Variants in CYRIB observed in about 807,000 individuals in gnomAD.
CYRIB encodes the protein CYFIP related Rac1 interactor B.
Under a neutral mutation model 44.2 loss-of-function variants are expected in CYRIB, and 8 were observed. The ratio of observed to expected loss-of-function variants is 0.18; its 90% CI spans 0.11 to 0.33. The LOEUF (loss-of-function observed/expected upper bound fraction) is 0.33, where lower values mean the gene tolerates loss of function less well. Among genes scored for constraint, CYRIB ranks in the 10% least tolerant of loss-of-function variants. The pLI, the probability that CYRIB is intolerant of heterozygous loss-of-function variation, is 1.00. For synonymous variants in CYRIB, 131 were observed against 127.2 expected (o/e 1.03, Z -0.20); for missense variants, 185 against 382.8 (o/e 0.48, Z 4.31).
chr8:129,968,261 C>T (rs1196825106), intron 2 of CYRIB, among the ~76,000 whole-genome samples: 2 of 152,204 alleles, frequency 1.3e-5, no homozygotes, highest in East Asian at 3.8e-4. Flanking sequence ...CTCTCTTTAG[C>T]TATGTCTAAT....
intron 1 of CYRIB, among the ~76,000 whole-genome samples, chr8:129,977,433 C>T (rs1223357719): frequency 6.6e-6 from 1 of 152,168 alleles, no homozygotes; most frequent in East Asian, 1.9e-4. Flanking sequence ...TAATGATGTG[C>T]ACGTCTCTGT....
At chr8:129,930,068 G>A (rs941206068) in intron 1 of CYRIB, among the ~76,000 whole-genome samples, 8 of 151,652 alleles carry the variant, frequency 5.3e-5, no homozygotes, top group South Asian at 4.2e-4. Context: ...AAAATTCGCC[G>A]GGCGTGGTGG....
chr8:129,947,826 T>C (rs192455513), intron 2 of CYRIB: 1 of 152,324 alleles, frequency 6.6e-6, no homozygotes, highest in Admixed American at 6.5e-5. Flanking sequence ...CCTCACAGTT[T>C]ATCAACCTTT....
At chr8:129,955,230 G>A (rs1323809042) in intron 2 of CYRIB, among the ~76,000 whole-genome samples, 3 of 146,242 alleles carry the variant, frequency 2.1e-5, no homozygotes, top group South Asian at 2.2e-4. Flanking sequence ...TCCAGCCTGG[G>A]TGACAGAACA....
intron 4 of CYRIB, among the ~76,000 whole-genome samples, chr8:129,862,846 G>A (rs1319806647): frequency 6.6e-6 from 1 of 152,206 alleles, no homozygotes; most frequent in Non-Finnish European, 1.5e-5. Flanking sequence ...GGAGTGCTAA[G>A]AGTGGGTCTT....
intron 1 of CYRIB, among the ~76,000 whole-genome samples, chr8:129,998,297 G>A (rs1564731693): frequency 6.6e-6 from 1 of 152,070 alleles, no homozygotes; most frequent in African/African-American, 2.4e-5. Flanking sequence ...TCGGTACCTG[G>A]GTACAGAGGA....
chr8:129,979,388 A>C (rs1035693341), intron 1 of CYRIB, among the ~76,000 whole-genome samples: 4 of 152,144 alleles, frequency 2.6e-5, no homozygotes, highest in Non-Finnish European at 5.9e-5. Flanking sequence ...CTATGCTAAC[A>C]TATGAAGGAA....
At chr8:129,989,515 A>G (rs1564655008) in intron 1 of CYRIB, among the ~76,000 whole-genome samples, 1 of 152,228 alleles carries the variant, frequency 6.6e-6, no homozygotes, top group Non-Finnish European at 1.5e-5. Flanking sequence ...TGCAGGGACC[A>G]GGGTGTAGGT....
chr8:129,898,173 T>C (rs1217355953), intron 2 of CYRIB, among the ~76,000 whole-genome samples: 3 of 152,142 alleles, frequency 2.0e-5, no homozygotes, highest in African/African-American at 7.2e-5. Flanking sequence ...AGTGGAAACT[T>C]TTTTCCCTGT....
chr8:129,913,467 C>A (rs2079110781), intron 1 of CYRIB, among the ~76,000 whole-genome samples: 1 of 152,164 alleles, frequency 6.6e-6, no homozygotes, highest in Non-Finnish European at 1.5e-5. Context: ...TTTAAGAAAA[C>A]CAAAGCACAT....
chr8:130,008,130 A>G (rs1292593404), intron 1 of CYRIB, among the ~76,000 whole-genome samples: 1 of 151,744 alleles, frequency 6.6e-6, no homozygotes, highest in Non-Finnish European at 1.5e-5. Flanking sequence ...AATTGCTTGA[A>G]CCCGGGAGGT....
chr8:129,967,295 G>T (rs2095512607), intron 2 of CYRIB, among the ~76,000 whole-genome samples: 1 of 152,104 alleles, frequency 6.6e-6, no homozygotes, highest in Admixed American at 6.5e-5. Context: ...ATAGGAATCA[G>T]CAAATGCTAC....
At chr8:129,845,814 T>C (rs2039631971) in intron 11 of CYRIB, among the ~76,000 whole-genome samples, 1 of 152,196 alleles carries the variant, frequency 6.6e-6, no homozygotes, top group African/African-American at 2.4e-5. Flanking sequence ...TAAATCTCTG[T>C]AGTCAAATGT....
At chr8:129,900,539 G>A (rs1172833986) in intron 2 of CYRIB, among the ~76,000 whole-genome samples, 1 of 152,154 alleles carries the variant, frequency 6.6e-6, no homozygotes, top group African/African-American at 2.4e-5. Context: ...CTGCAAAACA[G>A]CTGGTGACTT....
chr8:129,933,062 C>A (rs1590273929), intron 1 of CYRIB, among the ~76,000 whole-genome samples: 1 of 152,178 alleles, frequency 6.6e-6, no homozygotes, highest in Non-Finnish European at 1.5e-5. Context: ...AAGGCTGTGG[C>A]TGTGACTGCT....
intron 1 of CYRIB, among the ~76,000 whole-genome samples, chr8:129,913,585 T>A (rs1487634932): frequency 6.6e-6 from 1 of 152,222 alleles, no homozygotes; most frequent in African/African-American, 2.4e-5. Flanking sequence ...ACTTACAAAG[T>A]GGAAATTCCA....
At chr8:129,924,911 G>A (rs530592712) in intron 1 of CYRIB, among the ~76,000 whole-genome samples, 1 of 152,310 alleles carries the variant, frequency 6.6e-6, no homozygotes, top group African/African-American at 2.4e-5. Flanking sequence ...CTTGGAAGTC[G>A]AGGCTGCAGT....
chr8:129,876,651 A>G (rs562935106), intron 3 of CYRIB, among the ~76,000 whole-genome samples: 3 of 152,364 alleles, frequency 2.0e-5, no homozygotes, highest in African/African-American at 7.2e-5. Context: ...GCACTAGAGT[A>G]TGTCATTTGT....
chr8:129,839,794 T>C (rs2035425502), exon 12 of CYRIB: 1 of 152,202 alleles, frequency 6.6e-6, no homozygotes, highest in Non-Finnish European at 1.5e-5. Flanking sequence ...ATCTGTCCAC[T>C]TACTCCTCAA....
Sources: gnomAD v4.1 joint callset for allele counts (sites outside exome capture counted in the v4.1 genomes callset) on GRCh38, gnomAD v4.1.1 for gene constraint, MANE v1.5 for transcripts, NCBI Gene and HGNC (gene_info 2026-07-23, HGNC 2026-07-21) for gene names.